HMCN1: variants seen among roughly 807,000 people sequenced by gnomAD.
HMCN1 encodes the protein hemicentin 1.
HMCN1 carries 321 observed loss-of-function variants against 625.9 expected under a neutral mutation model. The observed-to-expected ratio is 0.51, with a 90% CI of 0.47 to 0.56. The LOEUF (loss-of-function observed/expected upper bound fraction) is 0.56, where lower values mean the gene tolerates loss of function less well. HMCN1 is among the 20% of genes least tolerant of loss of function. The pLI is 0.00. For missense variants in HMCN1, 6,588 were observed against 6,887.3 expected (o/e 0.96, Z 1.54); for synonymous variants, 2,425 against 2,417.6 (o/e 1.00, Z -0.09).
At chr1:186,056,659 C>G (rs1213728606) in intron 45 of HMCN1, among the ~76,000 whole-genome samples, 1 of 151,858 alleles carries the variant, frequency 6.6e-6, no homozygotes, top group East Asian at 1.9e-4. Context: ...AAATCAGATG[C>G]CTCATGTTCT....
At chr1:186,076,677 T>C in intron 54 of HMCN1, 55 bp downstream of exon 54, 1 of 1,534,782 alleles carries the variant, frequency 6.5e-7, no homozygotes, top group Non-Finnish European at 9.0e-7. Context: ...ATGTGTTTCC[T>C]CTCATGTATT....
At chr1:185,943,960 T>G (rs1668208334) in intron 11 of HMCN1, among the ~76,000 whole-genome samples, 1 of 152,292 alleles carries the variant, frequency 6.6e-6, no homozygotes, top group African/African-American at 2.4e-5. Context: ...AGACCAGATA[T>G]ATGTTTTTTA....
chr1:186,107,428 A>T (rs1329472783), intron 70 of HMCN1, among the ~76,000 whole-genome samples: 1 of 152,240 alleles, frequency 6.6e-6, no homozygotes, highest in Admixed American at 6.5e-5. Context: ...AAGAAAATTT[A>T]AAAATCCAGA....
chr1:185,748,369 A>G (rs1654572501), intron 1 of HMCN1, among the ~76,000 whole-genome samples: 1 of 152,106 alleles, frequency 6.6e-6, no homozygotes, highest in Non-Finnish European at 1.5e-5. Flanking sequence ...CTATGTTGGA[A>G]TGTCCCCTAT....
rs779385525 is a variant in HMCN1, at chr1:186,023,111, G to A, written c.5707G>A (p.Ala1903Thr). Residue 1903 changes from alanine (A) to threonine (T), a missense_variant, in exon 36 of 107, where the codon GCA (alanine) becomes ACA (threonine). Physicochemically the swap from Ala to Thr is moderately conservative, Grantham distance 58. Transcript: ENST00000271588. ...CAGATACACATGTGTGGCTACCAAC[G>A]CAGCTGGAGAAACACAACAGCACAT... ...AGRYTCVATN[A>T]AGETQQHIQL... 17 of 1,613,200 alleles carry A rather than the reference G, an allele frequency of 1.1e-5. No individual in the cohort carries two copies. Among genetic ancestry groups the A allele is most frequent in the Admixed American group, 1.7e-5 (1 of 59,994 alleles).
At chr1:186,154,298 T>G (rs1261967108) in intron 97 of HMCN1, among the ~76,000 whole-genome samples, 1 of 152,164 alleles carries the variant, frequency 6.6e-6, no homozygotes, top group Non-Finnish European at 1.5e-5. Flanking sequence ...TCCCAGCACT[T>G]TGGGAGGCCG....
chr1:186,055,820 A>C, intron 45 of HMCN1, 146 bp downstream of exon 45: 2 of 792,478 alleles, frequency 2.5e-6, no homozygotes, highest in Non-Finnish European at 4.3e-6. Flanking sequence ...GGTCAGTCTC[A>C]TCATTTATCC....
At chr1:186,181,582 ATATG>A (rs1443494539) in intron 104 of HMCN1, among the ~76,000 whole-genome samples, 1 of 152,154 alleles carries the variant, frequency 6.6e-6, no homozygotes, top group African/African-American at 2.4e-5. Flanking sequence ...ACACAACTAT[ATATG>A]TATGTACTTG....
intron 78 of HMCN1, 35 bp from the exon 79 acceptor site, chr1:186,119,710 C>T: frequency 6.2e-7 from 1 of 1,607,982 alleles, no homozygotes; most frequent in Non-Finnish European, 8.5e-7. Context: ...TTAACTAGTG[C>T]TATTACTTCT....
chr1:186,175,721 A>G (rs1371921667), intron 103 of HMCN1, among the ~76,000 whole-genome samples: 2 of 152,018 alleles, frequency 1.3e-5, no homozygotes, highest in Admixed American at 6.6e-5. Flanking sequence ...CATTGCCTCA[A>G]TAAAAGAGTT....
At chr1:185,803,311 A>G (rs1020395174) in intron 1 of HMCN1, among the ~76,000 whole-genome samples, 3 of 151,824 alleles carry the variant, frequency 2.0e-5, no homozygotes, top group East Asian at 1.9e-4. Flanking sequence ...CTTTAACCTT[A>G]ATAAACACCT....
Position 185,990,365 on chromosome 1 carries a change from C to T in HMCN1, c.3299C>T (p.Pro1100Leu). Reference sequence around the variant, plus strand: ...CTTGCAGGGGAAGAGGTAACACTTCCATGTGAAGTGAAGAGCTTACCTCCA... The same window carrying T: ...CTTGCAGGGGAAGAGGTAACACTTCTATGTGAAGTGAAGAGCTTACCTCCA... ...SVLAGEEVTL[P>L]CEVKSLPPPI... Residue 1100 changes from proline (P) to leucine (L), a missense_variant, in exon 22 of 107, where the codon CCA (proline) becomes CTA (leucine). Around this residue, in one of 3 missense-constraint regions of HMCN1, gnomAD observed 4,628 missense variants for 4,853.1 expected, o/e 0.95. Transcript: ENST00000271588. 2 of 1,613,286 alleles carry T rather than the reference C, an allele frequency of 1.2e-6. No individual in the cohort carries two copies. Among genetic ancestry groups the T allele is most frequent in the Non-Finnish European group, 1.7e-6 (2 of 1,179,262 alleles).
In HMCN1 at chr1:186,186,989, C is replaced by CTG. The variant is rs1410821200; in HGVS notation, c.16415-892_16415-891dup. Among the ~76,000 whole-genome samples the CTG allele has an allele frequency of 6.7e-5, 9 of 133,706 alleles. No homozygotes were observed. In the East Asian group the frequency reaches 1.9e-3, roughly 28 times the overall value. 87.7% of individuals were successfully genotyped at this position (133,706 alleles called of 152,430 possible). ...TCAATCAATCTCACATTCTCTGTCTCTGTCTCACACACACACACACACACA... is the reference window on the plus strand; with the variant it reads ...TCAATCAATCTCACATTCTCTGTCTCTGTGTCTCACACACACACACACACACA... On this transcript the variant is annotated intron_variant, in intron 105 of 106. Transcript: ENST00000271588.
intron 1 of HMCN1, among the ~76,000 whole-genome samples, chr1:185,773,122 A>G (rs1339362506): frequency 1.3e-5 from 2 of 152,148 alleles, no homozygotes; most frequent in African/African-American, 2.4e-5. Flanking sequence ...AGTGTATGCC[A>G]GTGATTCTCC....
chr1:186,021,965 T>C (rs1036626382), intron 35 of HMCN1, among the ~76,000 whole-genome samples: 2 of 152,030 alleles, frequency 1.3e-5, no homozygotes, highest in African/African-American at 4.8e-5. Context: ...GCATAATTAA[T>C]AGGATTCAAA....
At chr1:186,136,289 C>T (rs6700242) in intron 86 of HMCN1, among the ~76,000 whole-genome samples, 6,736 of 152,210 alleles carry the variant, frequency 0.044, 502 homozygotes, top group African/African-American at 0.16. Context: ...GCACTGTGTG[C>T]TTACCTTGTT....
At position 186,166,923 on chromosome 1, in the gene HMCN1, T is replaced by G. The variant is rs762423045; in HGVS notation, c.15555T>G (p.Ser5185=). ...GTGGAAGTGGCTTTCGAAGAACCTC[T>G]GATGGGCTGAGTTGTCAAGGTATAA... ...VRCGSGFRRT[S]DGLSCQDINE... The change falls in exon 100 of 107, where the codon TCT becomes TCG. Residue 5185 remains serine, a synonymous_variant. Coordinates refer to ENST00000271588, the MANE Select transcript of HMCN1 (RefSeq NM_031935.3). The G allele has an allele frequency of 1.1e-5, 18 of 1,614,146 alleles. 1 individual carries two copies. In the South Asian group the frequency reaches 2.0e-4, roughly 18 times the overall value.
At chr1:186,185,215 A>AC (rs1292255632) in intron 105 of HMCN1, among the ~76,000 whole-genome samples, 2 of 152,202 alleles carry the variant, frequency 1.3e-5, no homozygotes, top group Non-Finnish European at 2.9e-5. Context: ...TAGTCTCCAC[A>AC]CCACTATCAT....
In HMCN1 at chr1:186,144,407, T is replaced by C. The variant is rs182902817; in HGVS notation, c.14095+64T>C. On this transcript the variant is annotated intron_variant, in intron 90 of 106. Transcript: ENST00000271588. ...ATCTACCTATCTTATCTAGGTAGTA[T>C]GTCAACAAGAATCTATCCCATTCTA... is the stretch of plus-strand genomic sequence containing the variant. 113 of 1,593,836 alleles carry C rather than the reference T, an allele frequency of 7.1e-5. No homozygotes were observed. In the East Asian group the frequency reaches 2.3e-3, roughly 33 times the overall value.
Sources: allele counts gnomAD v4.1 joint callset (sites outside exome capture counted in the v4.1 genomes callset), GRCh38; gene constraint gnomAD v4.1.1; regional missense constraint gnomAD v4.1.1; transcripts MANE v1.5; gene names NCBI Gene and HGNC (gene_info 2026-07-23, HGNC 2026-07-21).